The following HIVEP3 variants were observed in gnomAD, a reference collection of about 807,000 sequenced individuals.
The protein encoded by HIVEP3 is transcription factor HIVEP3.
A neutral mutation model predicts 152.8 loss-of-function variants in HIVEP3; 49 were observed. The observed-to-expected ratio is 0.32, with a 90% CI of 0.26 to 0.41. HIVEP3 has a LOEUF of 0.41. Among genes scored for constraint, HIVEP3 ranks in the 10% least tolerant of loss-of-function variants. HIVEP3 has a pLI of 1.00. For synonymous variants in HIVEP3, 1,269 were observed against 1,289.0 expected, an observed-to-expected ratio of 0.98 and a Z score of 0.33; for missense variants, 2,790 against 3,103.3, an observed-to-expected ratio of 0.90 and a Z score of 2.40.
chr1:41,900,849 A>C (rs1644609618), intron 1 of HIVEP3, among the ~76,000 whole-genome samples: 1 of 152,154 alleles, frequency 6.6e-6, no homozygotes, highest in African/African-American at 2.4e-5. Flanking sequence ...AGGCTGGAGA[A>C]GTAGGCAGGG....
chr1:41,542,822 G>T, intron 5 of HIVEP3: 1 of 164,574 alleles, frequency 6.1e-6, no homozygotes, highest in East Asian at 1.7e-4. Context: ...ATGACACGGA[G>T]CTTGAACCAC....
rs377720387 is a variant in HIVEP3 at position 41,627,793 on chromosome 1, A to G, written c.-522+956T>C. Among the ~76,000 whole-genome samples, 8 of 152,288 alleles carry G rather than the reference A, an allele frequency of 5.3e-5. No homozygotes were observed. In the East Asian group the frequency reaches 1.5e-3, roughly 29 times the overall value. On this transcript the variant is annotated intron_variant, in intron 3 of 8. Transcript: ENST00000372583. The stretch of plus-strand genomic sequence containing the variant: ...GGAGTCCCCAAGCCTTGGCTGCATC[A>G]GAATCAATGTAGATTCCTGGGTCCC...
At chr1:41,845,297 T>G (rs532961887) in intron 1 of HIVEP3, among the ~76,000 whole-genome samples, 1 of 152,210 alleles carries the variant, frequency 6.6e-6, no homozygotes, top group East Asian at 1.9e-4. Context: ...TCTACAATAG[T>G]GTCTGACACA....
intron 1 of HIVEP3, among the ~76,000 whole-genome samples, chr1:41,929,778 A>G (rs1219428936): frequency 1.4e-5 from 2 of 143,120 alleles, no homozygotes; most frequent in Non-Finnish European, 3.0e-5. Context: ...TAATACTGAT[A>G]CCTCTGACTC....
chr1:41,552,764 C>T (rs996788062), intron 5 of HIVEP3, among the ~76,000 whole-genome samples: 1 of 152,110 alleles, frequency 6.6e-6, no homozygotes, highest in African/African-American at 2.4e-5. Context: ...AATGGTATTT[C>T]TAGTTCTAGA....
chr1:41,727,784 G>T (rs919798755), intron 1 of HIVEP3, among the ~76,000 whole-genome samples: 3 of 152,200 alleles, frequency 2.0e-5, no homozygotes, highest in African/African-American at 7.2e-5. Context: ...GCCCTGGGCT[G>T]GAGTCGTAGT....
chr1:41,966,598 C>T (rs373260326), intron 1 of HIVEP3, among the ~76,000 whole-genome samples: 2 of 151,152 alleles, frequency 1.3e-5, no homozygotes, highest in African/African-American at 2.4e-5. Flanking sequence ...CTCAGCCTCC[C>T]GAGTAGCTGG....
chr1:41,859,240 G>A (rs1331801453), intron 1 of HIVEP3, among the ~76,000 whole-genome samples: 2 of 152,086 alleles, frequency 1.3e-5, no homozygotes, highest in African/African-American at 2.4e-5. Flanking sequence ...CTACCCTGCC[G>A]AACCAGAGTA....
chr1:41,533,679 C>T lies in HIVEP3; in HGVS notation c.5208-8769G>A, dbSNP rs1008569553. 1.3e-5 allele frequency among the ~76,000 whole-genome samples: 2 copies of T among 151,866 alleles called. No homozygotes were observed. The highest frequency in any genetic ancestry group is 2.9e-5 in the Non-Finnish European group (2 of 67,976). ...CCTGCTTGTGTCTCCTTTGCAAGCT[C>T]CTTTTTTGCCCACCCTTTCCCATGC... On this transcript the variant is annotated intron_variant, in intron 5 of 8. Coordinates refer to ENST00000372583, the MANE Select transcript of HIVEP3 (RefSeq NM_024503.5). This position sits in a 1 kb window ranked among gnomAD's most constrained non-coding sequence, Gnocchi z 4.3.
intron 2 of HIVEP3, among the ~76,000 whole-genome samples, chr1:41,685,650 T>C (rs1646102843): frequency 6.6e-6 from 1 of 152,226 alleles, no homozygotes; most frequent in South Asian, 2.1e-4. Flanking sequence ...ACTTACTATA[T>C]CACAAACCCG....
Position 41,583,175 on chromosome 1 carries a change from G to A in HIVEP3, c.1623C>T (p.His541=). 1 of 1,611,526 alleles carries A rather than the reference G, an allele frequency of 6.2e-7. No individual in the cohort carries two copies. Among genetic ancestry groups the A allele is most frequent in the Middle Eastern group, 1.7e-4 (1 of 6,052 alleles). ...TAGTGCAGGCGGCAGAAGGCATTGA[G>A]TGGCTTCTCAGGAGAGGCACAGGGG... ...TAPPVPLLRS[H]SMPSAACTIS... The change falls in exon 4 of 9, where the codon CAC becomes CAT. Residue 541 remains histidine, a synonymous_variant. Coordinates refer to ENST00000372583, the MANE Select transcript of HIVEP3 (RefSeq NM_024503.5). This position sits in a 1 kb window ranked among gnomAD's most constrained non-coding sequence, Gnocchi z 6.9.
intron 1 of HIVEP3, among the ~76,000 whole-genome samples, chr1:41,730,598 CA>C (rs1452676689): frequency 1.3e-5 from 2 of 152,248 alleles, no homozygotes; most frequent in African/African-American, 2.4e-5. Flanking sequence ...ACTAATGCAC[CA>C]GGGGCGCCAG....
intron 1 of HIVEP3, among the ~76,000 whole-genome samples, chr1:41,756,426 A>C (rs1437915795): frequency 6.6e-6 from 1 of 152,234 alleles, no homozygotes; most frequent in African/African-American, 2.4e-5. Context: ...ACTACAATAC[A>C]GTATCAAAAC....
At position 41,937,683 on chromosome 1, in the gene HIVEP3, T is replaced by C. The variant is rs559366725; in HGVS notation, n.120-19159A>G. Among the ~76,000 whole-genome samples the C allele has an allele frequency of 1.6e-4, 25 of 152,348 alleles. 1 individual carries two copies. The South Asian group carries it at 5.0e-3, about 30-fold the overall frequency. Reference sequence around the variant, plus strand: ...TTTTCTCTCTAGTGGACAATGCCAGTCTAAAACATTGAACCATTGGTACAG... The same window carrying C: ...TTTTCTCTCTAGTGGACAATGCCAGCCTAAAACATTGAACCATTGGTACAG... On this transcript the variant is annotated intron_variant and non_coding_transcript_variant, in intron 1 of 3. Coordinates refer to the HIVEP3 transcript ENST00000489103.
At chr1:41,926,503 A>G (rs1274257835) in intron 1 of HIVEP3, among the ~76,000 whole-genome samples, 1 of 152,182 alleles carries the variant, frequency 6.6e-6, no homozygotes, top group Non-Finnish European at 1.5e-5. Flanking sequence ...ACACCTGATC[A>G]ATATTAAGTA....
chr1:41,915,136 C>CAAAAA (rs34627841), intron 1 of HIVEP3, among the ~76,000 whole-genome samples: 1 of 149,056 alleles, frequency 6.7e-6, no homozygotes. Context: ...AAGAATCATG[C>CAAAAA]AAAAAAAAAA....
intron 1 of HIVEP3, among the ~76,000 whole-genome samples, chr1:41,743,115 G>C (rs911102244): frequency 7.2e-6 from 1 of 139,800 alleles, no homozygotes; most frequent in African/African-American, 3.1e-5. Context: ...GGCTGCGGTG[G>C]GGTATGGGGT....
Position 41,662,250 on chromosome 1 carries a change from G to A in HIVEP3, c.-720-33303C>T, listed in dbSNP as rs1451697905. ...CGGCAGCGCCCGCGCGCTCGGCTCC[G>A]CCCGGCTCGGCTCCGCCCGGCGGTG... On this transcript the variant is annotated intron_variant, in intron 2 of 8. Coordinates refer to ENST00000372583, the MANE Select transcript of HIVEP3 (RefSeq NM_024503.5). The surrounding 1 kb of genome is among the most constrained non-coding windows in gnomAD (Gnocchi z 7.2). 2.1e-5 allele frequency: 3 copies of A among 145,536 alleles called. No individual in the cohort carries two copies. Among genetic ancestry groups the A allele is most frequent in the Non-Finnish European group, 4.6e-5 (3 of 65,548 alleles). The allele number at this position is 145,536 out of a possible 1,614,324, so 9.0% of individuals were successfully genotyped here.
At chr1:41,850,205 C>G (rs1333374049) in intron 1 of HIVEP3, among the ~76,000 whole-genome samples, 1 of 152,182 alleles carries the variant, frequency 6.6e-6, no homozygotes, top group Non-Finnish European at 1.5e-5. Flanking sequence ...TTGAGAACCA[C>G]TGGTCTACCA....
Sources: gnomAD v4.1 joint callset for allele counts (sites outside exome capture counted in the v4.1 genomes callset) on GRCh38, gnomAD v4.1.1 for gene constraint, Gnocchi (gnomAD v3.1) non-coding constraint, MANE v1.5 for transcripts, NCBI Gene and HGNC (gene_info 2026-07-23, HGNC 2026-07-21) for gene names.